Variants in POU2F3 observed in about 807,000 individuals in gnomAD.
POU2F3 encodes the protein POU class 2 homeobox 3.
In POU2F3, 23 loss-of-function variants were observed where a neutral mutation model predicts 59.2. The observed-to-expected ratio is 0.39, with a 90% CI of 0.28 to 0.55. POU2F3 has a LOEUF of 0.55. POU2F3 is among the 20% of genes least tolerant of loss of function. The probability of loss-of-function intolerance (pLI) is 0.66; values close to 1 mark genes in which losing one functional copy is unlikely to be tolerated. For synonymous variants in POU2F3, 190 were observed against 214.6 expected, an observed-to-expected ratio of 0.89 and a Z score of 1.00; for missense variants, 473 against 544.5, an observed-to-expected ratio of 0.87 and a Z score of 1.31.
chr11:120,306,639 G>A (rs949499088), intron 8 of POU2F3, among the ~76,000 whole-genome samples: 1 of 152,168 alleles, frequency 6.6e-6, no homozygotes, highest in African/African-American at 2.4e-5. Flanking sequence ...TGCCGGCCTA[G>A]GCAGAGAGAG....
chr11:120,256,272 C>T (rs1939340443), intron 2 of POU2F3: 1 of 152,184 alleles, frequency 6.6e-6, no homozygotes, highest in Non-Finnish European at 1.5e-5. Flanking sequence ...CAGTTTCTTC[C>T]TTTATAAAAC....
intron 10 of POU2F3, among the ~76,000 whole-genome samples, chr11:120,312,311 C>T (rs985596023): frequency 3.3e-5 from 5 of 152,114 alleles, no homozygotes; most frequent in South Asian, 2.1e-4. Context: ...TTAGTAGAGA[C>T]GGGGTTTCAC....
At chr11:120,315,837 A>G (rs1941769649) in intron 11 of POU2F3, among the ~76,000 whole-genome samples, 1 of 150,092 alleles carries the variant, frequency 6.7e-6, no homozygotes, top group Non-Finnish European at 1.5e-5. Context: ...TCATGTCCTG[A>G]CATAATTATC....
intron 2 of POU2F3, among the ~76,000 whole-genome samples, chr11:120,266,542 A>G (rs1939833126): frequency 6.7e-6 from 1 of 150,364 alleles, no homozygotes; most frequent in Admixed American, 6.6e-5. Flanking sequence ...CTCCATCACT[A>G]CTCTCTCCAG....
chr11:120,244,659 C>T (rs989342759), intron 1 of POU2F3, among the ~76,000 whole-genome samples: 3 of 152,194 alleles, frequency 2.0e-5, no homozygotes, highest in African/African-American at 7.2e-5. Context: ...GACTCAGGGC[C>T]TCTTCTCAGC....
At chr11:120,286,229 G>A (rs764696355) in intron 3 of POU2F3, among the ~76,000 whole-genome samples, 6 of 152,074 alleles carry the variant, frequency 3.9e-5, no homozygotes, top group African/African-American at 4.8e-5. Flanking sequence ...TTCCCCAATC[G>A]ATGGATATTA....
At chr11:120,252,732 T>G (rs1591377245) in intron 2 of POU2F3, among the ~76,000 whole-genome samples, 1 of 152,254 alleles carries the variant, frequency 6.6e-6, no homozygotes, top group Middle Eastern at 3.4e-3. Context: ...GTACCATGAC[T>G]TACAACTACA....
intron 1 of POU2F3, among the ~76,000 whole-genome samples, chr11:120,243,030 T>C (rs1411483726): frequency 6.6e-6 from 1 of 151,848 alleles, no homozygotes. Flanking sequence ...CCCACCAAGG[T>C]TGGGAAAGGG....
At chr11:120,244,841 A>G (rs1419520571) in intron 1 of POU2F3, among the ~76,000 whole-genome samples, 1 of 151,346 alleles carries the variant, frequency 6.6e-6, no homozygotes, top group Non-Finnish European at 1.5e-5. Flanking sequence ...GGCGGTCCAT[A>G]GTAGTTATTC....
intron 3 of POU2F3, among the ~76,000 whole-genome samples, chr11:120,291,802 T>G (rs1399331561): frequency 7.4e-6 from 1 of 134,860 alleles, no homozygotes; most frequent in African/African-American, 3.0e-5. Flanking sequence ...TATAAATTTC[T>G]TTTCTTTTTT....
chr11:120,291,320 G>A (rs924358031), intron 3 of POU2F3, among the ~76,000 whole-genome samples: 1 of 152,226 alleles, frequency 6.6e-6, no homozygotes, highest in Non-Finnish European at 1.5e-5. Context: ...ACACTGGATA[G>A]GGAGTTAGCA....
At position 120,258,714 on chromosome 11, in the gene POU2F3, C is replaced by T. The variant is rs552123454; in HGVS notation, c.98-10496C>T. On this transcript the variant is annotated intron_variant, in intron 2 of 12. Transcript: ENST00000543440. ...ATTGGGAACTTGGATCTTTTGGCCC[C>T]GTTCCTTGCAGCAGTGGCCTGAGTG... 5.3e-5 allele frequency among the ~76,000 whole-genome samples: 8 copies of T among 152,286 alleles called. No individual in the cohort carries two copies. In the South Asian group the frequency reaches 8.3e-4, roughly 16 times the overall value.
At chr11:120,257,419 GA>G (rs1939387097) in intron 2 of POU2F3, among the ~76,000 whole-genome samples, 2 of 151,650 alleles carry the variant, frequency 1.3e-5, no homozygotes, top group Admixed American at 6.6e-5. Context: ...GGCACCACGT[GA>G]CCTGCTCCTG....
chr11:120,302,082 C>G, intron 5 of POU2F3: 1 of 563,944 alleles, frequency 1.8e-6, no homozygotes, highest in South Asian at 2.3e-5. Flanking sequence ...TCTGTTTATC[C>G]CTGTATCTGA....
At chr11:120,268,754 G>A (rs550402181) in intron 2 of POU2F3, among the ~76,000 whole-genome samples, 1 of 152,336 alleles carries the variant, frequency 6.6e-6, no homozygotes, top group African/African-American at 2.4e-5. Context: ...CATACTTTAG[G>A]TGTCATCTCT....
chr11:120,275,595 A>G (rs1200857416), intron 3 of POU2F3, among the ~76,000 whole-genome samples: 1 of 152,176 alleles, frequency 6.6e-6, no homozygotes. Flanking sequence ...TGTTTTATGT[A>G]TGCTGTTGAG....
intron 3 of POU2F3, among the ~76,000 whole-genome samples, chr11:120,271,407 AT>A (rs1207870167): frequency 6.6e-6 from 1 of 152,186 alleles, no homozygotes; most frequent in Non-Finnish European, 1.5e-5. Flanking sequence ...GGATTCTGTG[AT>A]TCTGATGGAT....
chr11:120,253,585 C>CTT, intron 2 of POU2F3: 1 of 152,370 alleles, frequency 6.6e-6, no homozygotes, highest in East Asian at 1.9e-4. Context: ...TATACTCACT[C>CTT]TTTGTCCGTA....
At chr11:120,314,283 G>A (rs1019243385) in intron 10 of POU2F3, among the ~76,000 whole-genome samples, 2 of 152,232 alleles carry the variant, frequency 1.3e-5, no homozygotes, top group Non-Finnish European at 2.9e-5. Context: ...ACTGGGGAGA[G>A]CAGAACTACC....
Sources: allele counts gnomAD v4.1 joint callset (sites outside exome capture counted in the v4.1 genomes callset), GRCh38; gene constraint gnomAD v4.1.1; transcripts MANE v1.5; gene names NCBI Gene and HGNC (gene_info 2026-07-23, HGNC 2026-07-21).